KANSL1: variants seen among roughly 807,000 people sequenced by gnomAD.
The protein encoded by KANSL1 is MLL1/MLL complex subunit KANSL1.
Under a neutral mutation model 103.6 loss-of-function variants are expected in KANSL1, and 22 were observed. That is an observed-to-expected ratio of 0.21 (90% CI 0.15 to 0.30). The LOEUF is 0.30. Ranked by LOEUF, KANSL1 falls within the 10% of genes least tolerant of loss-of-function variation. The pLI, the probability that KANSL1 is intolerant of heterozygous loss-of-function variation, is 1.00. For missense variants in KANSL1, 1,337 were observed against 1,399.8 expected, an observed-to-expected ratio of 0.96 and a Z score of 0.72; for synonymous variants, 600 against 527.6, an observed-to-expected ratio of 1.14 and a Z score of -1.88.
rs1166021018 is a variant in KANSL1, at chr17:46,171,180, C to T, written c.964G>A (p.Gly322Ser). 2 of 1,614,014 alleles carry T rather than the reference C, an allele frequency of 1.2e-6. No homozygotes were observed. The highest frequency in any genetic ancestry group is 2.2e-5 in the East Asian group (1 of 44,876). The change falls in exon 2 of 15, where the codon GGT becomes AGT. Residue 322 changes from glycine to serine, a missense_variant. By Grantham distance (56) the Gly-to-Ser change is moderately conservative. This residue lies in a region of KANSL1 where 557 missense variants were observed against 476.4 expected (regional missense o/e 1.17). Transcript: ENST00000432791. ...CTCAAAGTCTTCTCCAAAAATCCAC[C>T]CAGCTGATGTTGTATATGCCTCTCA... The part of the protein sequence containing the change: ...QVERHIQHQL[G>S]GFLEKTLSKL...
Position 46,154,445 on chromosome 17 carries a change from CATTTCTTGTG to C in KANSL1, c.1289+16400_1289+16409del, listed in dbSNP as rs148394042. Reference sequence around the variant, plus strand: ...CAGGTGTGAACCACAACATCTAGCTCATTTCTTGTGGTTTATTGTACAGATGGGCGTCACC... The same window carrying C: ...CAGGTGTGAACCACAACATCTAGCTCGTTTATTGTACAGATGGGCGTCACC... On this transcript the variant is annotated intron_variant, in intron 2 of 14. Transcript: ENST00000432791. Among the ~76,000 whole-genome samples the C allele has an allele frequency of 6.2e-4, 94 of 152,284 alleles. 2 individuals are homozygous for C. In the East Asian group the frequency reaches 0.015, roughly 25 times the overall value.
At chr17:46,125,409 T>A (rs2043507985) in intron 2 of KANSL1, among the ~76,000 whole-genome samples, 1 of 152,248 alleles carries the variant, frequency 6.6e-6, no homozygotes, top group African/African-American at 2.4e-5. Flanking sequence ...CTCACTTTAG[T>A]GTGATATTCA....
At chr17:46,152,566 C>T (rs1319284816) in intron 2 of KANSL1, among the ~76,000 whole-genome samples, 2 of 130,892 alleles carry the variant, frequency 1.5e-5, no homozygotes, top group Admixed American at 1.8e-4. Flanking sequence ...GAAACTAATA[C>T]TGACAATAGA....
At chr17:46,189,893 C>T (rs906913429) in intron 1 of KANSL1, among the ~76,000 whole-genome samples, 2 of 131,558 alleles carry the variant, frequency 1.5e-5, no homozygotes. Flanking sequence ...GGCGACAGAA[C>T]GAGACCCTGC....
At chr17:46,067,948 T>C (rs558077369) in intron 4 of KANSL1, among the ~76,000 whole-genome samples, 2 of 150,538 alleles carry the variant, frequency 1.3e-5, no homozygotes, top group South Asian at 4.2e-4. Flanking sequence ...TCATCTCTAA[T>C]TAAAAAGAGA....
At chr17:46,206,455 G>T (rs1288746360) in intron 1 of KANSL1, among the ~76,000 whole-genome samples, 3 of 152,244 alleles carry the variant, frequency 2.0e-5, no homozygotes, top group Non-Finnish European at 4.4e-5. Flanking sequence ...GCCAAGTGCT[G>T]TAGCTGACAC....
chr17:46,096,545 C>CCCAACCTCAGGGGATCCG (rs1186364677), intron 2 of KANSL1, among the ~76,000 whole-genome samples: 1 of 151,870 alleles, frequency 6.6e-6, no homozygotes, highest in African/African-American at 2.4e-5. Context: ...GTCTCAAACT[C>CCCAACCTCAGGGGATCCG]CCAACCTCAG....
intron 1 of KANSL1, among the ~76,000 whole-genome samples, chr17:46,199,451 C>T (rs369864865): frequency 1.5e-3 from 234 of 152,314 alleles, no homozygotes; most frequent in African/African-American, 5.5e-3. Flanking sequence ...AAATGGAGGC[C>T]TTAGCTGATT....
chr17:46,076,461 A>G (rs1430927484), intron 4 of KANSL1, among the ~76,000 whole-genome samples: 3 of 150,042 alleles, frequency 2.0e-5, no homozygotes, highest in Non-Finnish European at 4.4e-5. Context: ...ACACCACAGA[A>G]CTCCAGCCCG....
At chr17:46,105,938 CACACA>C (rs1567680767) in intron 2 of KANSL1, among the ~76,000 whole-genome samples, 13 of 74,134 alleles carry the variant, frequency 1.8e-4, no homozygotes, top group African/African-American at 5.3e-4. Context: ...CACACACACA[CACACA>C]CACACCCCCC....
intron 6 of KANSL1, 40 bp from the exon 7 acceptor site, chr17:46,050,744 G>A (rs2077683959): frequency 6.3e-7 from 1 of 1,578,886 alleles, no homozygotes; most frequent in Non-Finnish European, 8.6e-7. Flanking sequence ...TTCAGCATCT[G>A]ATAAAAAGCC....
intron 4 of KANSL1, among the ~76,000 whole-genome samples, chr17:46,078,090 G>A (rs976368039): frequency 6.6e-6 from 1 of 152,082 alleles, no homozygotes; most frequent in African/African-American, 2.4e-5. Context: ...TGTTCTAGCA[G>A]GCATACTACT....
At chr17:46,166,213 C>CCAAAAAAAAAAAAAAAA (rs1555573289) in intron 2 of KANSL1, among the ~76,000 whole-genome samples, 2 of 95,104 alleles carry the variant, frequency 2.1e-5, no homozygotes, top group Non-Finnish European at 4.3e-5. Flanking sequence ...GACTCTGTCT[C>CCAAAAAAAAAAAAAAAA]AAAAAAAAAA....
intron 6 of KANSL1, among the ~76,000 whole-genome samples, chr17:46,064,194 G>A (rs1190063888): frequency 1.3e-5 from 2 of 151,562 alleles, no homozygotes; most frequent in Non-Finnish European, 1.5e-5. Flanking sequence ...AAATGGTATC[G>A]CCTGACAGTC....
At chr17:46,038,262 T>A in intron 10 of KANSL1, 1 of 436,590 alleles carries the variant, frequency 2.3e-6, no homozygotes, top group Non-Finnish European at 4.1e-6. Flanking sequence ...TAGTCACAGA[T>A]CACCTTAAGA....
intron 7 of KANSL1, among the ~76,000 whole-genome samples, chr17:46,049,214 T>C (rs2146468674): frequency 6.6e-6 from 1 of 151,930 alleles, no homozygotes; most frequent in East Asian, 1.9e-4. Flanking sequence ...ATGATCTCTT[T>C]ATTTGTTGTC....
chr17:46,060,532 T>C (rs1006082583), intron 6 of KANSL1, among the ~76,000 whole-genome samples: 10 of 152,354 alleles, frequency 6.6e-5, no homozygotes, highest in Admixed American at 6.5e-4. Context: ...TAGCTTTATG[T>C]CCTAAGGTAC....
chr17:46,105,906 GACACAC>G (rs773000790), intron 2 of KANSL1, among the ~76,000 whole-genome samples: 96 of 95,258 alleles, frequency 1.0e-3, no homozygotes, highest in Non-Finnish European at 1.3e-3. Context: ...GCAAGGCCTT[GACACAC>G]ACACACACAC....
At chr17:46,126,207 C>T (rs879756750) in intron 2 of KANSL1, among the ~76,000 whole-genome samples, 3 of 152,012 alleles carry the variant, frequency 2.0e-5, no homozygotes, top group Non-Finnish European at 2.9e-5. Context: ...TTTGGGAGGC[C>T]GAGTCAGGCG....
Sources: allele counts gnomAD v4.1 joint callset (sites outside exome capture counted in the v4.1 genomes callset), GRCh38; gene constraint gnomAD v4.1.1; regional missense constraint gnomAD v4.1.1; transcripts MANE v1.5; gene names NCBI Gene and HGNC (gene_info 2026-07-23, HGNC 2026-07-21).